Variants in MAX observed in about 807,000 individuals in gnomAD.
The protein encoded by MAX is MYC associated transcriptional regulator X.
Under a neutral mutation model 22.3 loss-of-function variants are expected in MAX, and 3 were observed. The observed-to-expected ratio is 0.13, with a 90% CI of 0.06 to 0.35. The LOEUF (loss-of-function observed/expected upper bound fraction) is 0.35, where lower values mean the gene tolerates loss of function less well. Ranked by LOEUF, MAX falls within the 10% of genes least tolerant of loss-of-function variation. The pLI, the probability that MAX is intolerant of heterozygous loss-of-function variation, is 1.00. For missense variants in MAX, 119 were observed against 209.4 expected, an observed-to-expected ratio of 0.57 and a Z score of 2.66; for synonymous variants, 72 against 77.7, an observed-to-expected ratio of 0.93 and a Z score of 0.39.
At chr14:65,024,081 G>A (rs1486097737) in intron 3 of MAX, among the ~76,000 whole-genome samples, 2 of 149,960 alleles carry the variant, frequency 1.3e-5, no homozygotes, top group Non-Finnish European at 3.0e-5. Context: ...CAGCCTGGGC[G>A]ACAGAGGGAC....
At chr14:65,053,791 A>G (rs932792991) in intron 3 of MAX, among the ~76,000 whole-genome samples, 4 of 152,086 alleles carry the variant, frequency 2.6e-5, no homozygotes, top group Admixed American at 6.6e-5. Flanking sequence ...GAAATAAAAT[A>G]AGTCCTCTCA....
In MAX at chr14:65,077,256, T is replaced by C; in HGVS notation, c.296-593A>G. On this transcript the variant is annotated intron_variant, in intron 4 of 4. Transcript: ENST00000358664. This position sits in a 1 kb window ranked among gnomAD's most constrained non-coding sequence, Gnocchi z 6.3. ...CACCACCCACTGCCCATCCCTTGGT[T>C]CAGCTCAGCTTGAGCCTGGAAGGTC... 1 of 1,025,662 alleles carries C rather than the reference T, an allele frequency of 9.7e-7. No homozygotes were observed. The highest frequency in any genetic ancestry group is 1.5e-6 in the Non-Finnish European group (1 of 672,586). The allele number at this position is 1,025,662 out of a possible 1,614,324, so 63.5% of individuals were successfully genotyped here. A position where few individuals can be genotyped will look rare whatever the true frequency, so the allele number is the denominator to read the frequency against.
chr14:65,083,921 T>A, intron 3 of MAX: 2 of 1,309,652 alleles, frequency 1.5e-6, no homozygotes, highest in Non-Finnish European at 2.0e-6. Flanking sequence ...CGAAAGAATA[T>A]GCACAATAAA....
chr14:65,051,655 G>A (rs1043522032), intron 3 of MAX, among the ~76,000 whole-genome samples: 1 of 151,256 alleles, frequency 6.6e-6, no homozygotes, highest in African/African-American at 2.4e-5. Flanking sequence ...TTAATATTTT[G>A]CTTCAATCTC....
intron 3 of MAX, among the ~76,000 whole-genome samples, chr14:65,013,717 T>C (rs1403997842): frequency 1.3e-5 from 2 of 152,224 alleles, no homozygotes; most frequent in South Asian, 2.1e-4. Flanking sequence ...CTGGCTAATT[T>C]TTGTATTTTT....
intron 3 of MAX, among the ~76,000 whole-genome samples, chr14:65,036,022 A>G (rs754714494): frequency 6.6e-6 from 1 of 152,100 alleles, no homozygotes; most frequent in African/African-American, 2.4e-5. Context: ...TTGTAAAGAC[A>G]GAGTCTCACT....
chr14:65,075,853 T>C lies in MAX; in HGVS notation c.*623A>G. 1 of 1,066,194 alleles carries C rather than the reference T, an allele frequency of 9.4e-7. No individual in the cohort carries two copies. The highest frequency in any genetic ancestry group is 1.1e-6 in the Non-Finnish European group (1 of 879,878). The allele number at this position is 1,066,194 out of a possible 1,614,324, so 66.0% of individuals were successfully genotyped here. A position where few individuals can be genotyped will look rare whatever the true frequency, so the allele number is the denominator to read the frequency against. Reference sequence around the variant, plus strand: ...GGCTGAGAGAAGCAGGAGTGAAACATGCCAGCGACTCTGTGCTGCGAATCT... The same window carrying C: ...GGCTGAGAGAAGCAGGAGTGAAACACGCCAGCGACTCTGTGCTGCGAATCT... On this transcript the variant is annotated 3_prime_UTR_variant, in exon 5 of 5. Coordinates refer to ENST00000358664, the MANE Select transcript of MAX (RefSeq NM_002382.5). This position sits in a 1 kb window ranked among gnomAD's most constrained non-coding sequence, Gnocchi z 4.1.
chr14:65,095,454 T>C (rs1595170735), intron 2 of MAX, among the ~76,000 whole-genome samples: 1 of 152,308 alleles, frequency 6.6e-6, no homozygotes, highest in South Asian at 2.1e-4. Flanking sequence ...ATCATACAAC[T>C]TTAGCGCAAA....
chr14:65,069,192 G>A lies in MAX; in HGVS notation c.171+24516C>T, dbSNP rs749665610. Among the ~76,000 whole-genome samples the A allele has an allele frequency of 7.2e-5, 11 of 152,184 alleles. No homozygotes were observed. Among genetic ancestry groups the A allele is most frequent in the Non-Finnish European group, 1.3e-4 (9 of 68,024 alleles). ...CCAGTGAAAGTGGTGGAATAGAATC[G>A]TGACCCAACCTGTGCAGAGCAGATG... is the stretch of plus-strand genomic sequence containing the variant. On this transcript the variant is annotated intron_variant, in intron 3 of 3. Transcript: ENST00000341653. The surrounding 1 kb of genome is among the most constrained non-coding windows in gnomAD (Gnocchi z 4.6).
downstream of MAX, among the ~76,000 whole-genome samples, chr14:65,072,657 G>A (rs961984646): frequency 6.6e-6 from 1 of 152,208 alleles, no homozygotes; most frequent in Non-Finnish European, 1.5e-5. Context: ...TTAACAAGCA[G>A]CCCTGGGCAT....
At chr14:65,066,056 G>A (rs2062928639) in intron 3 of MAX, among the ~76,000 whole-genome samples, 2 of 152,170 alleles carry the variant, frequency 1.3e-5, no homozygotes, top group Admixed American at 6.5e-5. Flanking sequence ...GGGGAATAGG[G>A]GGCACTGGTG....
intron 3 of MAX, among the ~76,000 whole-genome samples, chr14:65,050,809 T>C (rs1364499875): frequency 6.6e-6 from 1 of 152,250 alleles, no homozygotes; most frequent in Non-Finnish European, 1.5e-5. Context: ...CTTAACAATG[T>C]TTATTCCCTT....
At position 65,044,496 on chromosome 14, in the gene MAX, A is replaced by G; in HGVS notation, c.172-38212T>C. The stretch of plus-strand genomic sequence containing the variant: ...GCTGGATGATTTCCCTCCACTACTC[A>G]CAAAGTCTGGAAGCCCAGCGTGCTT... On this transcript the variant is annotated intron_variant, in intron 3 of 3. Coordinates refer to the MAX transcript ENST00000341653. This position sits in a 1 kb window ranked among gnomAD's most constrained non-coding sequence, Gnocchi z 5.5. The G allele has an allele frequency of 3.8e-6, 6 of 1,566,180 alleles. No individual in the cohort carries two copies. The South Asian group carries it at 7.2e-5, about 19-fold the overall frequency.
rs551997484 is a variant in MAX, at chr14:65,069,082, C to T, written c.171+24626G>A. Among the ~76,000 whole-genome samples the T allele has an allele frequency of 6.6e-6, 1 of 152,222 alleles. No individual in the cohort carries two copies. The highest frequency in any genetic ancestry group is 2.0e-4 in the East Asian group (1 of 5,096). On this transcript the variant is annotated intron_variant, in intron 3 of 3. Coordinates refer to the MAX transcript ENST00000341653. This position sits in a 1 kb window ranked among gnomAD's most constrained non-coding sequence, Gnocchi z 4.6. Reference sequence around the variant, plus strand: ...TGGTGATGACGTAAGTGCTAGGTGTCCATGCTCCTTGCGAGGCTCCATCCC... The same window carrying T: ...TGGTGATGACGTAAGTGCTAGGTGTTCATGCTCCTTGCGAGGCTCCATCCC...
chr14:65,044,613 G>A lies in MAX; in HGVS notation c.172-38329C>T, dbSNP rs960392513. On this transcript the variant is annotated intron_variant, in intron 3 of 3. Coordinates refer to the MAX transcript ENST00000341653. This position sits in a 1 kb window ranked among gnomAD's most constrained non-coding sequence, Gnocchi z 5.5. ...CGTGGGGCATGCGAATGCAGAGTAA[G>A]ATTTAGTTTCATTGGTTTAGTGTCA... The A allele has an allele frequency of 5.0e-5, 50 of 993,218 alleles. No homozygotes were observed. Among genetic ancestry groups the A allele is most frequent in the Middle Eastern group, 4.3e-4 (2 of 4,646 alleles). The allele number at this position is 993,218 out of a possible 1,614,324, so 61.5% of individuals were successfully genotyped here.
rs2062023795 is a variant in MAX, at chr14:65,028,515, G to A, written c.172-22231C>T. ...ATAGCAAAGCTGTCTTACTGCCTAT[G>A]TGTAAATGGGTTTGCTTCTACACAA... On this transcript the variant is annotated intron_variant, in intron 3 of 3. Transcript: ENST00000341653. The surrounding 1 kb of genome is among the most constrained non-coding windows in gnomAD (Gnocchi z 4.4). Among the ~76,000 whole-genome samples the A allele has an allele frequency of 6.6e-6, 1 of 152,220 alleles. No individual in the cohort carries two copies. Among genetic ancestry groups the A allele is most frequent in the Non-Finnish European group, 1.5e-5 (1 of 68,048 alleles).
At position 65,077,526 on chromosome 14, in the gene MAX, T is replaced by A. The variant is rs781635713; in HGVS notation, c.295+387A>T. On this transcript the variant is annotated intron_variant, in intron 4 of 4. Coordinates refer to ENST00000358664, the MANE Select transcript of MAX (RefSeq NM_002382.5). The surrounding 1 kb of genome is among the most constrained non-coding windows in gnomAD (Gnocchi z 6.3). ...GACTACCATTGACAATGGGGAGGGC[T>A]CACTGTCCCTGAACACCTGGAGTCT... 4 of 954,544 alleles carry A rather than the reference T, an allele frequency of 4.2e-6. No homozygotes were observed. Among genetic ancestry groups the A allele is most frequent in the South Asian group, 3.9e-5 (3 of 77,640 alleles). 59.1% of individuals were successfully genotyped at this position (954,544 alleles called of 1,614,324 possible).
At chr14:65,045,478 C>T (rs185037202) in intron 3 of MAX, among the ~76,000 whole-genome samples, 1,839 of 144,750 alleles carry the variant, frequency 0.013, 22 homozygotes, top group Non-Finnish European at 0.018. Context: ...TGCAGTGGCA[C>T]GATCTTGGCT....
At chr14:65,019,985 ATATTAAGG>A (rs2061855667) in intron 3 of MAX, among the ~76,000 whole-genome samples, 1 of 152,208 alleles carries the variant, frequency 6.6e-6, no homozygotes, top group African/African-American at 2.4e-5. Context: ...TCATACAAAT[ATATTAAGG>A]TGACCTAGAG....
Sources: gnomAD v4.1 joint callset for allele counts (sites outside exome capture counted in the v4.1 genomes callset) on GRCh38, gnomAD v4.1.1 for gene constraint, Gnocchi (gnomAD v3.1) non-coding constraint, MANE v1.5 for transcripts, NCBI Gene and HGNC (gene_info 2026-07-23, HGNC 2026-07-21) for gene names.